The following CHLSN variants were observed in gnomAD, a reference collection of about 807,000 sequenced individuals.
CHLSN encodes cholesin, also known as protein cholesin.
the CHLSN span, chr7:1,028,843 A>C: frequency 5.3e-5 from 24 of 455,102 alleles, no homozygotes; most frequent in Admixed American, 6.0e-4. Flanking sequence ...GTCTACCCCC[A>C]TCTTCCCAGT....
the CHLSN span, among the ~76,000 whole-genome samples, chr7:1,074,979 G>A: frequency 2.7e-3 from 408 of 152,348 alleles, 5 homozygotes; most frequent in Admixed American, 0.023. Context: ...GCGGGAGGAC[G>A]TGTGAGCTGG....
chr7:1,049,305 C>T, the CHLSN span, among the ~76,000 whole-genome samples: 11 of 152,238 alleles, frequency 7.2e-5, no homozygotes, highest in African/African-American at 1.9e-4. Flanking sequence ...GATCTGCAGG[C>T]GTCATCATTC....
chr7:1,021,091 G>C, the CHLSN span, among the ~76,000 whole-genome samples: 1 of 151,786 alleles, frequency 6.6e-6, no homozygotes, highest in Non-Finnish European at 1.5e-5. Flanking sequence ...CTCCAGGCTG[G>C]GGACCTCGCA....
the CHLSN span, chr7:986,443 G>T: frequency 5.9e-6 from 4 of 675,566 alleles, no homozygotes; most frequent in Non-Finnish European, 1.0e-5. Flanking sequence ...CGGACAGGGG[G>T]TTTCCTGGCA....
the CHLSN span, chr7:1,026,938 C>G: frequency 6.6e-6 from 1 of 152,236 alleles, no homozygotes; most frequent in Non-Finnish European, 1.5e-5. Context: ...AAACTGAAAA[C>G]AGCAAAACTA....
the CHLSN span, among the ~76,000 whole-genome samples, chr7:981,221 G>A: frequency 2.0e-5 from 3 of 151,140 alleles, no homozygotes; most frequent in Non-Finnish European, 4.4e-5. Context: ...ACTTGAACAC[G>A]GGCGATGGAG....
At chr7:1,041,136 G>GA in the CHLSN span, among the ~76,000 whole-genome samples, 4 of 149,568 alleles carry the variant, frequency 2.7e-5, no homozygotes, top group Non-Finnish European at 4.5e-5. Flanking sequence ...AGAGACTGCA[G>GA]GAGGGAGGGA....
the CHLSN span, chr7:989,152 A>G: frequency 5.7e-6 from 2 of 348,386 alleles, no homozygotes; most frequent in East Asian, 4.4e-5. Context: ...CAGCACCTAC[A>G]GCTGGGGCTG....
At chr7:1,049,054 C>T in the CHLSN span, among the ~76,000 whole-genome samples, 14 of 152,164 alleles carry the variant, frequency 9.2e-5, no homozygotes, top group African/African-American at 2.9e-4. Context: ...TCTGAGCGTG[C>T]GCTCCCCAGG....
At chr7:1,007,672 T>G in the CHLSN span, among the ~76,000 whole-genome samples, 2 of 152,176 alleles carry the variant, frequency 1.3e-5, no homozygotes, top group Admixed American at 6.5e-5. Context: ...GGGAAGGGGC[T>G]GCTTTGTTTC....
At chr7:1,131,614 T>G in the CHLSN span, among the ~76,000 whole-genome samples, 1 of 152,194 alleles carries the variant, frequency 6.6e-6, no homozygotes, top group African/African-American at 2.4e-5. Context: ...ATAAGAAATC[T>G]TGGAAGAATG....
chr7:1,021,151 G>C, the CHLSN span, among the ~76,000 whole-genome samples: 1 of 151,790 alleles, frequency 6.6e-6, no homozygotes, highest in Non-Finnish European at 1.5e-5. Flanking sequence ...TTCCAGTAGG[G>C]ACCTTCTGGT....
At chr7:1,093,632 G>T in the CHLSN span, 3 of 471,130 alleles carry the variant, frequency 6.4e-6, no homozygotes, top group Non-Finnish European at 1.3e-5. Flanking sequence ...TGCCGTGTGG[G>T]TTAGTCGGGT....
chr7:1,109,678 C>G, the CHLSN span, among the ~76,000 whole-genome samples: 484 of 151,954 alleles, frequency 3.2e-3, 4 homozygotes, highest in Admixed American at 5.0e-3. Flanking sequence ...TCCCCACTCA[C>G]CCCTCCATGG....
At chr7:1,038,639 C>T in the CHLSN span, among the ~76,000 whole-genome samples, 2 of 113,054 alleles carry the variant, frequency 1.8e-5, no homozygotes, top group African/African-American at 7.5e-5. Flanking sequence ...GGCCAGCCGC[C>T]CCGTCCGGGA....
the CHLSN span, among the ~76,000 whole-genome samples, chr7:1,110,149 T>C: frequency 6.6e-6 from 1 of 151,624 alleles, no homozygotes; most frequent in African/African-American, 2.4e-5. Context: ...CAGGGCTCAG[T>C]CCGTGGAAGA....
At chr7:1,035,086 C>T in the CHLSN span, among the ~76,000 whole-genome samples, 3 of 152,328 alleles carry the variant, frequency 2.0e-5, no homozygotes, top group East Asian at 5.8e-4. Flanking sequence ...CGACTGTGAA[C>T]AGTGCTGGGC....
chr7:1,070,565 CACACGCAAACACGCACACACGG>C, the CHLSN span, among the ~76,000 whole-genome samples: 1 of 151,370 alleles, frequency 6.6e-6, no homozygotes, highest in South Asian at 2.1e-4. Context: ...CACACGTGCA[CACACGCAAACACGCACACACGG>C]ACACGCACAC....
chr7:980,157 C>T, the CHLSN span, among the ~76,000 whole-genome samples: 5 of 152,246 alleles, frequency 3.3e-5, no homozygotes, highest in East Asian at 1.9e-4. Flanking sequence ...CCGACAGGTG[C>T]GGGCCTGAGT....
Sources: allele counts gnomAD v4.1 joint callset (sites outside exome capture counted in the v4.1 genomes callset), GRCh38; gene constraint gnomAD v4.1.1; transcripts MANE v1.5; gene names NCBI Gene and HGNC (gene_info 2026-07-23, HGNC 2026-07-21).